EEF2K: variants seen among roughly 807,000 people sequenced by gnomAD.
The protein encoded by EEF2K is eukaryotic elongation factor 2 kinase.
EEF2K carries 70 observed loss-of-function variants against 93.8 expected under a neutral mutation model. That is an observed-to-expected ratio of 0.75 (90% CI 0.62 to 0.91). EEF2K has a LOEUF of 0.91. Among genes scored for constraint, EEF2K ranks in the 40% least tolerant of loss-of-function variants. The pLI, the probability that EEF2K is intolerant of heterozygous loss-of-function variation, is 0.00. For missense variants in EEF2K, 935 were observed against 972.9 expected (o/e 0.96, Z 0.52); for synonymous variants, 376 against 380.8 (o/e 0.99, Z 0.15).
At chr16:22,243,779 C>T (rs2047250532) in intron 2 of EEF2K, among the ~76,000 whole-genome samples, 1 of 148,174 alleles carries the variant, frequency 6.7e-6, no homozygotes, top group Admixed American at 6.8e-5. Context: ...AAAAATTAGC[C>T]AGGTATAGTG....
chr16:22,264,602 A>G (rs1598198667), intron 12 of EEF2K, among the ~76,000 whole-genome samples: 1 of 152,178 alleles, frequency 6.6e-6, no homozygotes, highest in African/African-American at 2.4e-5. Flanking sequence ...CTGTGACTGC[A>G]CCAGCGTTGT....
intron 11 of EEF2K, among the ~76,000 whole-genome samples, chr16:22,261,723 G>T (rs1407838224): frequency 6.6e-6 from 1 of 151,626 alleles, no homozygotes. Flanking sequence ...TCTTAGTAGA[G>T]GCGGGGTGTG....
chr16:22,277,804 A>G (rs1227309564), intron 16 of EEF2K, among the ~76,000 whole-genome samples: 1 of 151,768 alleles, frequency 6.6e-6, no homozygotes, highest in Admixed American at 6.6e-5. Flanking sequence ...TTTCTCATGA[A>G]CAGAAATTTG....
chr16:22,273,281 G>A (rs575266251), intron 15 of EEF2K, among the ~76,000 whole-genome samples: 95 of 152,340 alleles, frequency 6.2e-4, no homozygotes, highest in African/African-American at 2.1e-3. Flanking sequence ...ATGAAGACAT[G>A]TCTAGGGAAA....
Position 22,216,185 on chromosome 16 carries a change from A to G in EEF2K, c.-76-9469A>G, listed in dbSNP as rs543356209. On this transcript the variant is annotated intron_variant, in intron 1 of 17. Coordinates refer to ENST00000263026, the MANE Select transcript of EEF2K (RefSeq NM_013302.5). ...GCTTTGGTTTTTGTTTCTTGTTTGA[A>G]GGAAACTCGGGACTCCAGCTAGGGT... Among the ~76,000 whole-genome samples, 5 of 152,308 alleles carry G rather than the reference A, an allele frequency of 3.3e-5. No individual in the cohort carries two copies. In the South Asian group the frequency reaches 8.3e-4, roughly 25 times the overall value.
chr16:22,256,882 C>A lies in EEF2K; in HGVS notation c.753C>A (p.Ile251=), dbSNP rs1268871754. ...SNSGFVRDDN[I]RLTPQAFSHF... ...CTGGCTTTGTCCGCGATGACAACAT[C>A]CGCCTGACGCCGCAGGTGAGGCCGA... The change falls in exon 7 of 18, where the codon ATC becomes ATA. Residue 251 remains isoleucine (I), a synonymous_variant. Transcript: ENST00000263026. The A allele has an allele frequency of 1.9e-6, 3 of 1,613,930 alleles. No homozygotes were observed. Among genetic ancestry groups the A allele is most frequent in the African/African-American group, 1.3e-5 (1 of 74,924 alleles).
intron 2 of EEF2K, among the ~76,000 whole-genome samples, chr16:22,228,566 G>A (rs1226955062): frequency 2.6e-5 from 4 of 152,210 alleles, no homozygotes; most frequent in Admixed American, 6.5e-5. Context: ...TCAGGTACCC[G>A]GGCCGACAGC....
At chr16:22,224,504 C>T (rs908009336) in intron 1 of EEF2K, among the ~76,000 whole-genome samples, 1 of 151,862 alleles carries the variant, frequency 6.6e-6, no homozygotes, top group African/African-American at 2.4e-5. Context: ...TGGTGGCATA[C>T]ACCTGTGATC....
At chr16:22,266,236 A>T (rs1236642656) in intron 13 of EEF2K, among the ~76,000 whole-genome samples, 154 bp from the exon 14 acceptor site, 1 of 151,774 alleles carries the variant, frequency 6.6e-6, no homozygotes, top group African/African-American at 2.4e-5. Flanking sequence ...AAAAAAAAAA[A>T]TTGGAGCCAT....
At chr16:22,242,859 G>C (rs182376190) in intron 2 of EEF2K, among the ~76,000 whole-genome samples, 103 of 152,140 alleles carry the variant, frequency 6.8e-4, no homozygotes, top group African/African-American at 2.2e-3. Flanking sequence ...CCTTTGGGAG[G>C]CTGAGGTGGG....
chr16:22,237,314 G>T (rs1178024154), intron 2 of EEF2K, among the ~76,000 whole-genome samples: 2 of 151,974 alleles, frequency 1.3e-5, no homozygotes, highest in African/African-American at 4.8e-5. Context: ...CTTAGAAATA[G>T]AGGATATTAG....
intron 1 of EEF2K, among the ~76,000 whole-genome samples, chr16:22,214,505 AATAAC>A (rs2046941899): frequency 6.6e-6 from 1 of 151,964 alleles, no homozygotes; most frequent in Admixed American, 6.6e-5. Flanking sequence ...ATAAAAATAA[AATAAC>A]ATAATTAGCC....
chr16:22,226,204 A>G (rs916250431), intron 2 of EEF2K, among the ~76,000 whole-genome samples: 1 of 151,838 alleles, frequency 6.6e-6, no homozygotes, highest in Non-Finnish European at 1.5e-5. Flanking sequence ...CACACTACGG[A>G]GTTGTGAAAA....
At position 22,244,638 on chromosome 16, in the gene EEF2K, GAAGCACGCAATCCAGAAGGCC is replaced by G; in HGVS notation, c.262_282del (p.Ala88_His94del). ...TCCTTTGCCTTCCACAGGAAGCCTG[GAAGCACGCAATCCAGAAGGCC>G]AAGCACATGCCCGACCCCTGGGCTG... On this transcript the variant is annotated inframe_deletion, in exon 3 of 18. Coordinates refer to ENST00000263026, the MANE Select transcript of EEF2K (RefSeq NM_013302.5). 6.2e-7 allele frequency: 1 copy of G among 1,613,952 alleles called. No individual in the cohort carries two copies. Among genetic ancestry groups the G allele is most frequent in the Non-Finnish European group, 8.5e-7 (1 of 1,179,910 alleles).
At chr16:22,218,952 A>AG (rs906429570) in intron 1 of EEF2K, among the ~76,000 whole-genome samples, 3 of 151,538 alleles carry the variant, frequency 2.0e-5, no homozygotes, top group African/African-American at 4.8e-5. Context: ...AAAAAAAAAA[A>AG]AGAGAAAAAA....
At chr16:22,214,451 A>G (rs1200155727) in intron 1 of EEF2K, among the ~76,000 whole-genome samples, 1 of 150,420 alleles carries the variant, frequency 6.6e-6, no homozygotes, top group Non-Finnish European at 1.5e-5. Context: ...CAAAAAAAAA[A>G]GAAAAGAGAC....
Position 22,261,758 on chromosome 16 carries a change from A to C in EEF2K, c.1299+1229A>C, listed in dbSNP as rs961398686. ...GGTGGCTCACACCTGTAATCCCAGC[A>C]CTATGGGAGGCTGAGGCAGGCAGAC... On this transcript the variant is annotated intron_variant, in intron 11 of 17. Coordinates refer to ENST00000263026, the MANE Select transcript of EEF2K (RefSeq NM_013302.5). Among the ~76,000 whole-genome samples, 2 of 151,938 alleles carry C rather than the reference A, an allele frequency of 1.3e-5. 1 individual carries two copies. The highest frequency in any genetic ancestry group is 2.9e-5 in the Non-Finnish European group (2 of 67,994).
At chr16:22,231,596 A>G (rs1343047388) in intron 2 of EEF2K, among the ~76,000 whole-genome samples, 6 of 152,150 alleles carry the variant, frequency 3.9e-5, no homozygotes, top group Non-Finnish European at 8.8e-5. Flanking sequence ...ACACATATGT[A>G]TCACTTATGT....
At chr16:22,268,419 C>T (rs2047545589) in intron 15 of EEF2K, among the ~76,000 whole-genome samples, 1 of 151,996 alleles carries the variant, frequency 6.6e-6, no homozygotes, top group African/African-American at 2.4e-5. Flanking sequence ...GATCTGCCCA[C>T]CTCAGCCTCC....
Sources: allele counts gnomAD v4.1 joint callset (sites outside exome capture counted in the v4.1 genomes callset), GRCh38; gene constraint gnomAD v4.1.1; transcripts MANE v1.5; gene names NCBI Gene and HGNC (gene_info 2026-07-23, HGNC 2026-07-21).